The following LRRC4C variants were observed in gnomAD, a reference collection of about 807,000 sequenced individuals.
LRRC4C encodes the protein leucine rich repeat containing 4C.
Under a neutral mutation model 33.6 loss-of-function variants are expected in LRRC4C, and 5 were observed. That is an observed-to-expected ratio of 0.15 (90% CI 0.08 to 0.31). LRRC4C has a LOEUF of 0.31. LRRC4C is among the 10% of genes least tolerant of loss of function. The probability of loss-of-function intolerance (pLI) is 1.00; values close to 1 mark genes in which losing one functional copy is unlikely to be tolerated. For missense variants in LRRC4C, 560 were observed against 796.7 expected, an observed-to-expected ratio of 0.70 and a Z score of 3.58; for synonymous variants, 329 against 302.0, an observed-to-expected ratio of 1.09 and a Z score of -0.93.
At chr11:40,962,170 T>C (rs1851022680) in intron 1 of LRRC4C, among the ~76,000 whole-genome samples, 1 of 151,356 alleles carries the variant, frequency 6.6e-6, no homozygotes, top group African/African-American at 2.4e-5. Flanking sequence ...CAGAGAGAGA[T>C]ACAAGGATGA....
chr11:40,785,967 G>T (rs1950396644), intron 2 of LRRC4C, among the ~76,000 whole-genome samples: 2 of 151,844 alleles, frequency 1.3e-5, no homozygotes. Flanking sequence ...TTTTGTTTTT[G>T]TTTTTTTCAG....
intron 2 of LRRC4C, among the ~76,000 whole-genome samples, chr11:40,862,922 T>C (rs897062136): frequency 1.3e-5 from 2 of 152,220 alleles, no homozygotes; most frequent in African/African-American, 4.8e-5. Flanking sequence ...GAAGATCTTA[T>C]TTCTTTTGTG....
At chr11:41,076,890 G>A (rs1590454728) in intron 1 of LRRC4C, among the ~76,000 whole-genome samples, 1 of 152,338 alleles carries the variant, frequency 6.6e-6, no homozygotes, top group East Asian at 1.9e-4. Context: ...CCAAGATACA[G>A]TGAGGGTACA....
intron 2 of LRRC4C, among the ~76,000 whole-genome samples, chr11:40,673,225 T>G (rs1944221679): frequency 6.6e-6 from 1 of 152,268 alleles, no homozygotes; most frequent in East Asian, 1.9e-4. Flanking sequence ...TTAGGAAACA[T>G]TTTGGAGAAA....
rs916460851 is a variant in LRRC4C at position 41,241,635 on chromosome 11, A to T, written c.-496+217796T>A. On this transcript the variant is annotated intron_variant, in intron 1 of 6. Coordinates refer to ENST00000528697, the MANE Select transcript of LRRC4C (RefSeq NM_001258419.2). ...AAATTTTACCAATATCTATCATCAT[A>T]GGAGATAATGATAATGGTGACCATG... Among the ~76,000 whole-genome samples, 11 of 152,294 alleles carry T rather than the reference A, an allele frequency of 7.2e-5. No individual in the cohort carries two copies. The Middle Eastern group carries it at 0.01, about 141-fold the overall frequency.
At chr11:40,555,922 T>A (rs920826465) in intron 3 of LRRC4C, among the ~76,000 whole-genome samples, 44 of 152,220 alleles carry the variant, frequency 2.9e-4, no homozygotes, top group African/African-American at 1.0e-3. Context: ...GCATTTATTT[T>A]CAATGTTCCT....
intron 4 of LRRC4C, among the ~76,000 whole-genome samples, chr11:40,302,302 G>C (rs533402353): frequency 6.6e-6 from 1 of 152,106 alleles, no homozygotes; most frequent in Non-Finnish European, 1.5e-5. Context: ...TTTTCACTAG[G>C]ATAACAATTA....
At chr11:40,305,927 G>A (rs1227779545) in intron 4 of LRRC4C, among the ~76,000 whole-genome samples, 1 of 152,180 alleles carries the variant, frequency 6.6e-6, no homozygotes, top group East Asian at 1.9e-4. Flanking sequence ...ATGATACCAA[G>A]TTGTGCGTTA....
At chr11:40,862,133 C>T (rs1480757128) in intron 2 of LRRC4C, among the ~76,000 whole-genome samples, 1 of 152,124 alleles carries the variant, frequency 6.6e-6, no homozygotes, top group African/African-American at 2.4e-5. Flanking sequence ...TTTCAGGTTA[C>T]ATCTGAGTTA....
chr11:40,578,409 A>G (rs1044717929), intron 3 of LRRC4C, among the ~76,000 whole-genome samples: 1 of 151,588 alleles, frequency 6.6e-6, no homozygotes, highest in African/African-American at 2.4e-5. Context: ...ATTAAACTCA[A>G]CTGCAAGTAT....
chr11:40,393,833 G>A (rs908604200), intron 3 of LRRC4C, among the ~76,000 whole-genome samples: 1 of 152,084 alleles, frequency 6.6e-6, no homozygotes, highest in Non-Finnish European at 1.5e-5. Flanking sequence ...GAGACATTAT[G>A]AGATTTGATT....
intron 1 of LRRC4C, among the ~76,000 whole-genome samples, chr11:41,069,915 T>C (rs911503291): frequency 6.6e-6 from 1 of 152,136 alleles, no homozygotes; most frequent in African/African-American, 2.4e-5. Context: ...AGAAAAAAAT[T>C]ACTTTAAATT....
intron 1 of LRRC4C, among the ~76,000 whole-genome samples, chr11:41,066,048 A>C (rs1938211079): frequency 6.6e-6 from 1 of 152,218 alleles, no homozygotes; most frequent in South Asian, 2.1e-4. Context: ...AAGAGCACAG[A>C]ACTGGATGGA....
chr11:40,173,527 T>C (rs577320065), intron 5 of LRRC4C, among the ~76,000 whole-genome samples: 7 of 152,334 alleles, frequency 4.6e-5, no homozygotes, highest in Admixed American at 4.6e-4. Flanking sequence ...GCCCTTTGTT[T>C]TGTTGGTTTA....
chr11:41,327,859 T>C (rs1328624728), intron 1 of LRRC4C, among the ~76,000 whole-genome samples: 1 of 152,200 alleles, frequency 6.6e-6, no homozygotes, highest in Non-Finnish European at 1.5e-5. Context: ...CCTTTTCACC[T>C]TCCACCATGA....
intron 1 of LRRC4C, among the ~76,000 whole-genome samples, chr11:41,222,639 C>G (rs925656638): frequency 6.6e-6 from 1 of 151,954 alleles, no homozygotes; most frequent in Admixed American, 6.6e-5. Flanking sequence ...ACTGTAACAA[C>G]AAAGTTTTGA....
intron 2 of LRRC4C, among the ~76,000 whole-genome samples, chr11:40,882,017 T>C (rs1955203008): frequency 6.6e-6 from 1 of 152,066 alleles, no homozygotes; most frequent in South Asian, 2.1e-4. Context: ...AGATAGTAAA[T>C]ATTTTCATCT....
At chr11:41,189,811 C>CA (rs1306295461) in intron 1 of LRRC4C, among the ~76,000 whole-genome samples, 3 of 152,170 alleles carry the variant, frequency 2.0e-5, no homozygotes, top group Non-Finnish European at 4.4e-5. Flanking sequence ...GCTTTTTACT[C>CA]AAGCAGTGAT....
chr11:40,461,641 C>T (rs959317382), intron 3 of LRRC4C, among the ~76,000 whole-genome samples: 20 of 150,048 alleles, frequency 1.3e-4, no homozygotes, highest in African/African-American at 4.4e-4. Flanking sequence ...ACATATAATA[C>T]TTTCTCTAAT....
Sources: allele counts gnomAD v4.1 joint callset (sites outside exome capture counted in the v4.1 genomes callset), GRCh38; gene constraint gnomAD v4.1.1; transcripts MANE v1.5; gene names NCBI Gene and HGNC (gene_info 2026-07-23, HGNC 2026-07-21).